The following NREP variants were observed in gnomAD, a reference collection of about 807,000 sequenced individuals.
NREP encodes neuronal regeneration-related protein.
NREP carries 5 observed loss-of-function variants against 8.6 expected under a neutral mutation model. That is an observed-to-expected ratio of 0.58 (90% CI 0.30 to 1.22). The LOEUF (loss-of-function observed/expected upper bound fraction) is 1.22, where lower values mean the gene tolerates loss of function less well. NREP is among the 50% of genes most tolerant of loss of function. The pLI is 0.07. For synonymous variants in NREP, 27 were observed against 28.0 expected (o/e 0.96, Z 0.11); for missense variants, 86 against 82.5 (o/e 1.04, Z -0.17).
chr5:111,858,299 A>T (rs1006601586), intron 2 of NREP, among the ~76,000 whole-genome samples: 1 of 152,020 alleles, frequency 6.6e-6, no homozygotes, highest in Non-Finnish European at 1.5e-5. Context: ...CCTCCCCTGC[A>T]GTAAGGTTTC....
intron 2 of NREP, among the ~76,000 whole-genome samples, chr5:111,809,284 G>T (rs1197637074): frequency 6.6e-6 from 1 of 152,110 alleles, no homozygotes; most frequent in East Asian, 1.9e-4. Flanking sequence ...TCTACTTTCA[G>T]TCCAACCCTA....
At chr5:111,964,278 G>C (rs959663307) in intron 2 of NREP, among the ~76,000 whole-genome samples, 2 of 152,118 alleles carry the variant, frequency 1.3e-5, no homozygotes, top group Admixed American at 6.5e-5. Flanking sequence ...TTGATGTATA[G>C]AGCTATAATT....
chr5:111,819,561 G>T (rs968463750), intron 2 of NREP, among the ~76,000 whole-genome samples: 12 of 152,180 alleles, frequency 7.9e-5, no homozygotes, highest in African/African-American at 2.7e-4. Context: ...CATATTCTAT[G>T]AAGTTGCCAT....
chr5:111,906,640 C>A (rs1199262000), intron 2 of NREP, among the ~76,000 whole-genome samples: 1 of 152,078 alleles, frequency 6.6e-6, no homozygotes, highest in South Asian at 2.1e-4. Context: ...CTACGGGGCT[C>A]CCTAAGCTTT....
At chr5:111,887,006 A>T (rs1043985219) in intron 2 of NREP, among the ~76,000 whole-genome samples, 2 of 151,898 alleles carry the variant, frequency 1.3e-5, no homozygotes, top group Non-Finnish European at 2.9e-5. Flanking sequence ...AAATAAAAAA[A>T]AAAACATCCC....
At chr5:111,784,688 A>G (rs377287024) in intron 2 of NREP, among the ~76,000 whole-genome samples, 1 of 152,012 alleles carries the variant, frequency 6.6e-6, no homozygotes, top group Non-Finnish European at 1.5e-5. Flanking sequence ...TGCATTTTTG[A>G]CTCTCCAAGA....
At chr5:111,826,576 C>T (rs1256539370) in intron 2 of NREP, among the ~76,000 whole-genome samples, 1 of 152,214 alleles carries the variant, frequency 6.6e-6, no homozygotes, top group Non-Finnish European at 1.5e-5. Flanking sequence ...TCTTTAAGAA[C>T]TTTAACACCG....
At chr5:111,882,141 T>C (rs528754942) in intron 2 of NREP, among the ~76,000 whole-genome samples, 5 of 152,130 alleles carry the variant, frequency 3.3e-5, no homozygotes, top group Non-Finnish European at 5.9e-5. Flanking sequence ...TTAAAGGAGC[T>C]GATGGAGCTG....
chr5:111,826,951 T>C (rs1280133938), intron 2 of NREP, among the ~76,000 whole-genome samples: 1 of 152,208 alleles, frequency 6.6e-6, no homozygotes, highest in African/African-American at 2.4e-5. Flanking sequence ...CCAATTAATA[T>C]TTGTTGGGTT....
chr5:111,941,836 T>C (rs561601766), intron 2 of NREP, among the ~76,000 whole-genome samples: 1 of 152,226 alleles, frequency 6.6e-6, no homozygotes, highest in South Asian at 2.1e-4. Flanking sequence ...ATCTACATTC[T>C]GTTATCCTCT....
intron 2 of NREP, among the ~76,000 whole-genome samples, chr5:111,784,079 A>G (rs139064433): frequency 3.4e-3 from 519 of 152,320 alleles, no homozygotes; most frequent in Non-Finnish European, 4.9e-3. Context: ...CAGTTCAGCA[A>G]GAAGAGGACT....
intron 2 of NREP, among the ~76,000 whole-genome samples, chr5:111,906,066 GTT>G (rs1358119972): frequency 6.6e-6 from 1 of 151,942 alleles, no homozygotes; most frequent in Non-Finnish European, 1.5e-5. Flanking sequence ...CCATTTCTTA[GTT>G]TTTTTATTCT....
intron 2 of NREP, among the ~76,000 whole-genome samples, chr5:111,971,432 C>T (rs1314255936): frequency 6.6e-6 from 1 of 152,000 alleles, no homozygotes; most frequent in Admixed American, 6.6e-5. Flanking sequence ...ATAAAAAAAA[C>T]ACCATGAAGC....
intron 2 of NREP, among the ~76,000 whole-genome samples, chr5:111,906,294 ATATTTT>A (rs1318356816): frequency 6.6e-6 from 1 of 151,442 alleles, no homozygotes; most frequent in Non-Finnish European, 1.5e-5. Flanking sequence ...TAAAAGATCA[ATATTTT>A]TATAGATTCA....
chr5:111,962,594 A>G (rs1756509447), intron 2 of NREP, among the ~76,000 whole-genome samples: 1 of 152,230 alleles, frequency 6.6e-6, no homozygotes, highest in Non-Finnish European at 1.5e-5. Context: ...AAAAAGCTTG[A>G]AACCCGCAGT....
At chr5:111,863,958 C>A (rs1028873063) in intron 2 of NREP, among the ~76,000 whole-genome samples, 3 of 152,096 alleles carry the variant, frequency 2.0e-5, no homozygotes, top group Admixed American at 1.3e-4. Flanking sequence ...GGCTCAGAGA[C>A]AAGCACAGCA....
At chr5:111,793,139 T>C (rs182028126) in intron 2 of NREP, among the ~76,000 whole-genome samples, 5 of 152,352 alleles carry the variant, frequency 3.3e-5, no homozygotes, top group East Asian at 3.9e-4. Context: ...CCCAACCGTA[T>C]TGCCTTTTTT....
At chr5:111,807,787 C>A (rs1752174454) in intron 2 of NREP, among the ~76,000 whole-genome samples, 1 of 152,170 alleles carries the variant, frequency 6.6e-6, no homozygotes, top group Admixed American at 6.5e-5. Context: ...AATTAACCCA[C>A]CAACTCTGAA....
intron 2 of NREP, among the ~76,000 whole-genome samples, chr5:111,754,223 A>G (rs1357451193): frequency 6.6e-6 from 1 of 152,200 alleles, no homozygotes; most frequent in Non-Finnish European, 1.5e-5. Flanking sequence ...CTGCATTCAA[A>G]TGGTTCCAAC....
Sources: allele counts gnomAD v4.1 joint callset (sites outside exome capture counted in the v4.1 genomes callset), GRCh38; gene constraint gnomAD v4.1.1; transcripts MANE v1.5; gene names NCBI Gene and HGNC (gene_info 2026-07-23, HGNC 2026-07-21).